The following ZFYVE26 variants were observed in gnomAD, a reference collection of about 807,000 sequenced individuals.
ZFYVE26 encodes zinc finger FYVE-type containing 26.
In ZFYVE26, 181 loss-of-function variants were observed where a neutral mutation model predicts 276.5. That is an observed-to-expected ratio of 0.65 (90% confidence interval 0.58 to 0.74). ZFYVE26 has a LOEUF of 0.74. ZFYVE26 is among the 30% of genes least tolerant of loss of function. The probability of loss-of-function intolerance (pLI) is 0.00; values close to 1 mark genes in which losing one functional copy is unlikely to be tolerated. For synonymous variants in ZFYVE26, 1,129 were observed against 1,203.1 expected (o/e 0.94, Z 1.27); for missense variants, 2,821 against 3,097.9 (o/e 0.91, Z 2.12).
At chr14:67,765,497 A>C (rs187166370) in intron 32 of ZFYVE26, among the ~76,000 whole-genome samples, 2 of 152,288 alleles carry the variant, frequency 1.3e-5, no homozygotes, top group East Asian at 1.9e-4. Flanking sequence ...TATTCCAAGC[A>C]AATGTCTGAG....
At chr14:67,790,522 C>A (rs755835143) in intron 15 of ZFYVE26, 50 bp downstream of exon 15, 3 of 1,597,472 alleles carry the variant, frequency 1.9e-6, no homozygotes, top group East Asian at 4.5e-5. Flanking sequence ...CCCCTTTTAC[C>A]CCCTCTCCCA....
intron 35 of ZFYVE26, chr14:67,760,894 T>G: frequency 3.7e-6 from 1 of 269,458 alleles, no homozygotes; most frequent in Non-Finnish European, 7.1e-6. Context: ...CATCATCTAT[T>G]TGGGGTTCAA....
chr14:67,758,915 G>A (rs2038856494), intron 35 of ZFYVE26, among the ~76,000 whole-genome samples: 1 of 152,128 alleles, frequency 6.6e-6, no homozygotes, highest in South Asian at 2.1e-4. Flanking sequence ...GATCACAGGT[G>A]TGAGCCACTG....
At position 67,793,649 on chromosome 14, in the gene ZFYVE26, C is replaced by A. The variant is rs754353432; in HGVS notation, c.2512G>T (p.Ala838Ser). The A allele has an allele frequency of 6.2e-7, 1 of 1,613,818 alleles. No homozygotes were observed. The highest frequency in any genetic ancestry group is 8.5e-7 in the Non-Finnish European group (1 of 1,179,850). The change falls in exon 14 of 42, where the codon GCA becomes TCA. Residue 838 changes from alanine to serine, a missense_variant. Coordinates refer to ENST00000347230, the MANE Select transcript of ZFYVE26 (RefSeq NM_015346.4). ...MMFSPPESLLASCILRGNFAE... is the reference protein window; with the variant it reads ...MMFSPPESLLSSCILRGNFAE... ...AAGTTCCCGCGAAGGATGCAGGATG[C>A]CAGCAGTGACTCAGGTGGGGAGAAC...
At position 67,804,269 on chromosome 14, in the gene ZFYVE26, A is replaced by G. The variant is rs769805723; in HGVS notation, c.1272-5T>C. ...TCTCTCTTTGGTATGGGGTTGCTGA[A>G]TGGAAAAGTTGGGAGGATGGAAGAG... On this transcript the variant is annotated splice_region_variant and splice_polypyrimidine_tract_variant and intron_variant, in intron 8 of 41. Transcript: ENST00000347230. The G allele has an allele frequency of 1.2e-6, 2 of 1,614,188 alleles. No individual in the cohort carries two copies. Among genetic ancestry groups the G allele is most frequent in the Admixed American group, 1.7e-5 (1 of 60,014 alleles).
At chr14:67,763,308 G>A (rs1020161361) in intron 32 of ZFYVE26, among the ~76,000 whole-genome samples, 3 of 152,118 alleles carry the variant, frequency 2.0e-5, no homozygotes, top group Non-Finnish European at 4.4e-5. Flanking sequence ...CTATGACCTG[G>A]GGCAAGTTAG....
exon 14 of ZFYVE26, chr14:67,729,436 C>G: frequency 1.3e-6 from 2 of 1,532,980 alleles, no homozygotes; most frequent in East Asian, 2.2e-5. Context: ...AGGTGCCGGA[C>G]TCGCTGGGCT....
At chr14:67,810,909 T>A (rs916041761) in intron 3 of ZFYVE26, among the ~76,000 whole-genome samples, 1 of 152,206 alleles carries the variant, frequency 6.6e-6, no homozygotes, top group South Asian at 2.1e-4. Flanking sequence ...GGTGTGTGTG[T>A]GTACATGAGT....
intron 28 of ZFYVE26, 129 bp from the exon 29 acceptor site, chr14:67,769,859 A>G (rs1391171250): frequency 3.1e-6 from 4 of 1,300,856 alleles, no homozygotes; most frequent in African/African-American, 1.5e-5. Context: ...TTGGGTCTCT[A>G]TTGGAAAAGG....
At position 67,798,430 on chromosome 14, in the gene ZFYVE26, G is replaced by A. The variant is rs544193503; in HGVS notation, c.1832C>T (p.Ser611Leu). The A allele has an allele frequency of 6.2e-7, 1 of 1,613,914 alleles. No individual in the cohort carries two copies. Among genetic ancestry groups the A allele is most frequent in the Non-Finnish European group, 8.5e-7 (1 of 1,179,898 alleles). The part of the protein sequence containing the change: ...EDDDIEGKSP[S>L]GLRSPSESPQ... ...GCTCTCTGATGGGGACCTCAAACCT[G>A]AGGGGCTCTTCCCCTCAATGTCATC... The change falls in exon 11 of 42, where the codon TCA (serine) becomes TTA (leucine). Residue 611 changes from serine to leucine, a missense_variant. Coordinates refer to ENST00000347230, the MANE Select transcript of ZFYVE26 (RefSeq NM_015346.4).
At chr14:67,803,826 G>A (rs1183638164) in intron 9 of ZFYVE26, among the ~76,000 whole-genome samples, 1 of 152,154 alleles carries the variant, frequency 6.6e-6, no homozygotes, top group Admixed American at 6.5e-5. Context: ...CTGTTTCACT[G>A]GAATGAGGCT....
Position 67,805,435 on chromosome 14 carries a change from G to A in ZFYVE26, c.1182+19C>T, listed in dbSNP as rs746208838. ...GTCTCTCACTTCCAGAGCAGCCTGG[G>A]ATGCTGAGTGAGAGTTACCTGGGTC... On this transcript the variant is annotated intron_variant, in intron 7 of 41. Transcript: ENST00000347230. 1 of 1,614,170 alleles carries A rather than the reference G, an allele frequency of 6.2e-7. No individual in the cohort carries two copies. Among genetic ancestry groups the A allele is most frequent in the Non-Finnish European group, 8.5e-7 (1 of 1,180,030 alleles).
At position 67,748,333 on chromosome 14, in the gene ZFYVE26, G is replaced by A; in HGVS notation, c.*103C>T. The A allele has an allele frequency of 7.6e-7, 1 of 1,317,116 alleles. No homozygotes were observed. The allele number at this position is 1,317,116 out of a possible 1,614,324, so 81.6% of individuals were successfully genotyped here. A position where few individuals can be genotyped will look rare whatever the true frequency, so the allele number is the denominator to read the frequency against. On this transcript the variant is annotated 3_prime_UTR_variant, in exon 42 of 42. Transcript: ENST00000347230. ...CCAACTCTTTCCAACCTAGGGCAGA[G>A]CCAGAGAAGTCCCACTCCACTGGAG...
At chr14:67,767,864 G>A (rs1861188268) in intron 30 of ZFYVE26, 24 bp from the exon 31 acceptor site, 2 of 1,613,970 alleles carry the variant, frequency 1.2e-6, no homozygotes, top group South Asian at 1.1e-5. Flanking sequence ...TGCCATTCAT[G>A]TGTCATTCAC....
At chr14:67,765,538 C>T (rs1184569181) in intron 32 of ZFYVE26, among the ~76,000 whole-genome samples, 2 of 152,180 alleles carry the variant, frequency 1.3e-5, no homozygotes. Context: ...GAAAATTATG[C>T]TCCCTTCTCC....
chr14:67,797,593 T>C (rs1171418417), intron 12 of ZFYVE26, 79 bp downstream of exon 12: 12 of 1,457,836 alleles, frequency 8.2e-6, no homozygotes, highest in African/African-American at 4.2e-5. Context: ...TTTTTGACCA[T>C]GTGCTGTTTC....
At chr14:67,761,338 GC>G in intron 35 of ZFYVE26, 27 bp downstream of exon 35, 1 of 1,597,676 alleles carries the variant, frequency 6.3e-7, no homozygotes, top group Non-Finnish European at 8.5e-7. Context: ...GGCAGGCACT[GC>G]CTTTTTGAGC....
In ZFYVE26 at chr14:67,790,739, C is replaced by A; in HGVS notation, c.2588G>T (p.Ser863Ile). Residue 863 changes from serine (S) to isoleucine (I), a missense_variant, in exon 15 of 42, where the codon AGT (serine) becomes ATT (isoleucine). Ser to Ile is a moderately radical substitution (Grantham distance 142). Transcript: ENST00000347230. ...CTCCATGAACATCAGTTCCCCTGAA[C>A]TGGGTGAGGACTTCAGGTTGAACGT... ...LFTFNLKSSP[S>I]SGELMFMERY... 4 of 1,614,190 alleles carry A rather than the reference C, an allele frequency of 2.5e-6. No homozygotes were observed.
At chr14:67,744,779 T>C (rs1222485832), downstream of ZFYVE26, among the ~76,000 whole-genome samples, 1 of 152,244 alleles carries the variant, frequency 6.6e-6, no homozygotes, top group African/African-American at 2.4e-5. Flanking sequence ...TTCTATGGTA[T>C]ATATGTGCCA....
Sources: gnomAD v4.1 joint callset for allele counts (sites outside exome capture counted in the v4.1 genomes callset) on GRCh38, gnomAD v4.1.1 for gene constraint, MANE v1.5 for transcripts, NCBI Gene and HGNC (gene_info 2026-07-23, HGNC 2026-07-21) for gene names.